The following RABGAP1 variants were observed in gnomAD, a reference collection of about 807,000 sequenced individuals.
RABGAP1 encodes RAB GTPase activating protein 1, also known as rab GTPase-activating protein 1.
A neutral mutation model predicts 137.6 loss-of-function variants in RABGAP1; 23 were observed. The observed-to-expected ratio is 0.17, with a 90% CI of 0.12 to 0.24. The LOEUF (loss-of-function observed/expected upper bound fraction) is 0.24, where lower values mean the gene tolerates loss of function less well. Among genes scored for constraint, RABGAP1 ranks in the 10% least tolerant of loss-of-function variants. RABGAP1 has a pLI of 1.00. For missense variants in RABGAP1, 906 were observed against 1,275.8 expected (o/e 0.71, Z 4.42); for synonymous variants, 451 against 450.7 (o/e 1.00, Z -0.01).
intron 10 of RABGAP1, among the ~76,000 whole-genome samples, chr9:123,007,977 ATAATT>A (rs1041286715): frequency 9.4e-4 from 141 of 150,062 alleles, no homozygotes; most frequent in African/African-American, 3.2e-3. Flanking sequence ...AATTATATGT[ATAATT>A]TAATATATAA....
intron 1 of RABGAP1, 110 bp downstream of exon 1, chr9:122,941,203 T>G (rs1833536196): frequency 1.3e-5 from 2 of 151,340 alleles, no homozygotes; most frequent in Non-Finnish European, 2.9e-5. Context: ...TCCCGCGGGG[T>G]CGGGCCAGTG....
chr9:123,095,216 A>C (rs1315675509), intron 21 of RABGAP1, among the ~76,000 whole-genome samples: 1 of 133,912 alleles, frequency 7.5e-6, no homozygotes, highest in Non-Finnish European at 1.6e-5. Context: ...GACAGAGTGA[A>C]ACCTTGTCCC....
At chr9:122,966,999 C>T (rs1485516178) in intron 2 of RABGAP1, among the ~76,000 whole-genome samples, 3 of 152,142 alleles carry the variant, frequency 2.0e-5, no homozygotes, top group Non-Finnish European at 4.4e-5. Flanking sequence ...AGGTTCCTCC[C>T]ACAACACATG....
intron 23 of RABGAP1, 94 bp downstream of exon 23, chr9:123,098,892 C>A: frequency 1.5e-6 from 1 of 651,760 alleles, no homozygotes; most frequent in Non-Finnish European, 2.5e-6. Context: ...AACCCAAATG[C>A]AAGCACCCTG....
rs541442443 is a variant in RABGAP1 at position 122,986,160 on chromosome 9, A to G, written c.386-55A>G. 5.3e-6 allele frequency: 8 copies of G among 1,520,416 alleles called. No individual in the cohort carries two copies. In the South Asian group the frequency reaches 6.9e-5, roughly 13 times the overall value. 94.2% of individuals were successfully genotyped at this position (1,520,416 alleles called of 1,614,324 possible). ...TTGCAGATTTTTACTTGCTAATCGTATCAACAAAATATCAAAGTGAAAGTA... is the reference window on the plus strand; with the variant it reads ...TTGCAGATTTTTACTTGCTAATCGTGTCAACAAAATATCAAAGTGAAAGTA... On this transcript the variant is annotated intron_variant, in intron 3 of 25. Transcript: ENST00000373647.
At chr9:123,048,897 C>T (rs1268417554) in intron 13 of RABGAP1, among the ~76,000 whole-genome samples, 1 of 152,172 alleles carries the variant, frequency 6.6e-6, no homozygotes, top group Non-Finnish European at 1.5e-5. Context: ...CTTATTTATA[C>T]ATGATTTGGG....
At chr9:123,001,798 T>C (rs1778557499) in intron 10 of RABGAP1, among the ~76,000 whole-genome samples, 1 of 152,208 alleles carries the variant, frequency 6.6e-6, no homozygotes, top group African/African-American at 2.4e-5. Context: ...ATGCTTAGAA[T>C]AGTTCCCAGT....
At chr9:122,979,652 T>A (rs1835947350) in intron 2 of RABGAP1, among the ~76,000 whole-genome samples, 1 of 152,232 alleles carries the variant, frequency 6.6e-6, no homozygotes, top group East Asian at 1.9e-4. Flanking sequence ...TGTGAACTAT[T>A]GAGATTCATG....
intron 1 of RABGAP1, among the ~76,000 whole-genome samples, chr9:122,948,593 A>T (rs1036312921): frequency 6.6e-6 from 1 of 152,204 alleles, no homozygotes; most frequent in African/African-American, 2.4e-5. Context: ...ATTTAGCAAG[A>T]TGATTTAGTC....
At chr9:122,951,905 G>A (rs1045180545) in intron 1 of RABGAP1, among the ~76,000 whole-genome samples, 1 of 152,168 alleles carries the variant, frequency 6.6e-6, no homozygotes, top group Non-Finnish European at 1.5e-5. Flanking sequence ...ATATGGAGAT[G>A]CATTTTATGC....
At chr9:123,098,877 C>A in intron 23 of RABGAP1, 79 bp downstream of exon 23, 1 of 720,180 alleles carries the variant, frequency 1.4e-6, no homozygotes, top group Non-Finnish European at 2.1e-6. Flanking sequence ...CGCCCCCCAC[C>A]CCCAAACCCA....
At position 123,020,343 on chromosome 9, in the gene RABGAP1, T is replaced by C; in HGVS notation, c.1678T>C (p.Ser560Pro). The C allele has an allele frequency of 6.3e-7, 1 of 1,596,452 alleles. No individual in the cohort carries two copies. The highest frequency in any genetic ancestry group is 8.5e-7 in the Non-Finnish European group (1 of 1,170,574). The change falls in exon 13 of 26, where the codon TCA becomes CCA. Residue 560 changes from serine (S) to proline (P), a missense_variant. By Grantham distance (74) the Ser-to-Pro change is moderately conservative (BLOSUM62 -1). Transcript: ENST00000373647. ...LNLNVRPKQL[S>P]SLVRNGVPEA... ...CTTGAATGTGAGACCGAAGCAGTTGTCATCCTTAGTAAGAAACGGTGTCCC... is the reference window on the plus strand; with the variant it reads ...CTTGAATGTGAGACCGAAGCAGTTGCCATCCTTAGTAAGAAACGGTGTCCC...
intron 13 of RABGAP1, chr9:123,029,519 A>C: frequency 1.2e-6 from 1 of 848,788 alleles, no homozygotes; most frequent in Non-Finnish European, 2.1e-6. Flanking sequence ...GGAACCTCAA[A>C]TCTTCAGTCT....
At chr9:123,038,848 A>G (rs2032806907) in intron 13 of RABGAP1, among the ~76,000 whole-genome samples, 1 of 152,028 alleles carries the variant, frequency 6.6e-6, no homozygotes, top group Non-Finnish European at 1.5e-5. Context: ...CAAAATTTGC[A>G]TGACAAAAGG....
intron 14 of RABGAP1, among the ~76,000 whole-genome samples, chr9:123,066,080 C>T (rs1453573303): frequency 6.6e-6 from 1 of 152,084 alleles, no homozygotes. Context: ...TCTTTTCCTC[C>T]CAAAAGTAAT....
intron 10 of RABGAP1, among the ~76,000 whole-genome samples, chr9:123,009,019 A>G (rs963694241): frequency 3.9e-5 from 6 of 152,226 alleles, no homozygotes; most frequent in African/African-American, 1.4e-4. Context: ...ATATTCATCT[A>G]GAAAATTAAG....
intron 13 of RABGAP1, among the ~76,000 whole-genome samples, chr9:123,043,451 A>G (rs534826774): frequency 6.6e-6 from 1 of 152,326 alleles, no homozygotes; most frequent in African/African-American, 2.4e-5. Flanking sequence ...TGATAGATAC[A>G]TAGAAAACCA....
chr9:122,948,928 GGAAAT>G (rs1189783805), intron 1 of RABGAP1, among the ~76,000 whole-genome samples: 2 of 152,164 alleles, frequency 1.3e-5, no homozygotes, highest in African/African-American at 2.4e-5. Context: ...CCGTAAGTAA[GGAAAT>G]GAAATTACTA....
intron 24 of RABGAP1, among the ~76,000 whole-genome samples, chr9:123,101,054 T>C (rs2035330724): frequency 6.6e-6 from 1 of 152,260 alleles, no homozygotes; most frequent in Non-Finnish European, 1.5e-5. Context: ...GCATCTTATT[T>C]TGATGAAATG....
Sources: allele counts gnomAD v4.1 joint callset (sites outside exome capture counted in the v4.1 genomes callset), GRCh38; gene constraint gnomAD v4.1.1; transcripts MANE v1.5; gene names NCBI Gene and HGNC (gene_info 2026-07-23, HGNC 2026-07-21).